The following GABRB2 variants were observed in gnomAD, a reference collection of about 807,000 sequenced individuals.
GABRB2 encodes gamma-aminobutyric acid receptor subunit beta-2.
GABRB2 carries 16 observed loss-of-function variants against 54.7 expected under a neutral mutation model. The ratio of observed to expected loss-of-function variants is 0.29; its 90% CI spans 0.20 to 0.44. GABRB2 has a LOEUF of 0.44. Ranked by LOEUF, GABRB2 falls within the 20% of genes least tolerant of loss-of-function variation. The pLI is 1.00. For missense variants in GABRB2, 355 were observed against 644.0 expected (o/e 0.55, Z 4.86); for synonymous variants, 244 against 233.8 (o/e 1.04, Z -0.40).
intron 9 of GABRB2, among the ~76,000 whole-genome samples, chr5:161,296,538 T>C (rs1213772955): frequency 2.0e-5 from 3 of 152,230 alleles, no homozygotes; most frequent in African/African-American, 7.2e-5. Flanking sequence ...TGCCTAAAGC[T>C]TAAAACAAAT....
intron 9 of GABRB2, among the ~76,000 whole-genome samples, chr5:161,320,584 T>C (rs1397990327): frequency 6.6e-6 from 1 of 151,956 alleles, no homozygotes; most frequent in Non-Finnish European, 1.5e-5. Flanking sequence ...ACTTTTATCT[T>C]AAATTCATCT....
Position 161,346,905 on chromosome 5 carries a change from AG to A in GABRB2, c.542-10137del, listed in dbSNP as rs200938836. Among the ~76,000 whole-genome samples the A allele has an allele frequency of 8.3e-3, 1,271 of 152,244 alleles. 18 individuals carry two copies. Among genetic ancestry groups the A allele is most frequent in the African/African-American group, 0.028 (1,183 of 41,582 alleles). ...TTTGTAACCATGGCTTGGAGCAGAAAGGAGGCAAATATCAGCTATTTAGTAC... is the reference window on the plus strand; with the variant it reads ...TTTGTAACCATGGCTTGGAGCAGAAAGAGGCAAATATCAGCTATTTAGTAC... On this transcript the variant is annotated intron_variant, in intron 5 of 9. Coordinates refer to ENST00000393959, the MANE Select transcript of GABRB2 (RefSeq NM_001371727.1).
At chr5:161,423,990 C>T (rs1756926040) in intron 4 of GABRB2, among the ~76,000 whole-genome samples, 1 of 152,074 alleles carries the variant, frequency 6.6e-6, no homozygotes, top group Non-Finnish European at 1.5e-5. Context: ...AGCTTAAATT[C>T]CCTTAAGCTG....
intron 4 of GABRB2, among the ~76,000 whole-genome samples, chr5:161,411,864 G>A (rs1359928459): frequency 6.6e-6 from 1 of 151,690 alleles, no homozygotes; most frequent in African/African-American, 2.4e-5. Flanking sequence ...GATTAATGAG[G>A]CATCATAGGA....
intron 4 of GABRB2, among the ~76,000 whole-genome samples, chr5:161,440,569 G>A (rs1199155859): frequency 6.6e-6 from 1 of 152,090 alleles, no homozygotes. Context: ...CAACATTGGA[G>A]CACCCAGATA....
intron 9 of GABRB2, among the ~76,000 whole-genome samples, chr5:161,307,194 G>A (rs967416818): frequency 1.3e-5 from 2 of 152,132 alleles, no homozygotes; most frequent in African/African-American, 4.8e-5. Context: ...TCATGAGGAA[G>A]TCTTTCCTGA....
intron 4 of GABRB2, among the ~76,000 whole-genome samples, chr5:161,457,239 C>T (rs1269279126): frequency 1.3e-5 from 2 of 152,076 alleles, no homozygotes; most frequent in African/African-American, 4.8e-5. Context: ...TGTTCAGGAA[C>T]CTGCATATTT....
intron 3 of GABRB2, among the ~76,000 whole-genome samples, chr5:161,502,131 A>G (rs1184932154): frequency 6.6e-6 from 1 of 151,248 alleles, no homozygotes; most frequent in African/African-American, 2.4e-5. Context: ...CTACATTTTC[A>G]TAACGTTAGG....
chr5:161,546,921 G>C, upstream of GABRB2: 1 of 461,740 alleles, frequency 2.2e-6, no homozygotes, highest in Non-Finnish European at 3.4e-6. Context: ...AATTTTTGTT[G>C]TTATCCTTTC....
intron 5 of GABRB2, among the ~76,000 whole-genome samples, chr5:161,374,652 A>G (rs115915369): frequency 1.3e-5 from 2 of 152,194 alleles, no homozygotes. Flanking sequence ...ACATGACTCA[A>G]TACCTAACTT....
intron 3 of GABRB2, among the ~76,000 whole-genome samples, chr5:161,460,753 C>T (rs55994418): frequency 0.02 from 3,094 of 152,042 alleles, 56 homozygotes; most frequent in Non-Finnish European, 0.03. Context: ...AATGCCTGCT[C>T]TCAGGGAATT....
In GABRB2 at chr5:161,385,491, C is replaced by G. The variant is rs150372307; in HGVS notation, c.541+25484G>C. ...ATCCTTAGTACTTCAAGATTTTTTT[C>G]TTTGTGGGTGGAGACAAAAGACTCT... On this transcript the variant is annotated intron_variant, in intron 5 of 9. Transcript: ENST00000393959. Among the ~76,000 whole-genome samples, 50 of 152,196 alleles carry G rather than the reference C, an allele frequency of 3.3e-4. No individual in the cohort carries two copies. In the East Asian group the frequency reaches 9.7e-3, roughly 29 times the overall value.
chr5:161,455,126 A>G (rs1026790591), intron 4 of GABRB2, among the ~76,000 whole-genome samples: 3 of 152,232 alleles, frequency 2.0e-5, no homozygotes, highest in African/African-American at 4.8e-5. Flanking sequence ...GCTGGTGTGC[A>G]TGCTTAAATT....
intron 3 of GABRB2, among the ~76,000 whole-genome samples, chr5:161,518,139 G>A (rs1188963226): frequency 6.6e-6 from 1 of 152,020 alleles, no homozygotes; most frequent in Admixed American, 6.6e-5. Context: ...AGAATGCTGA[G>A]GTACATTTGA....
In GABRB2 at chr5:161,515,253, TAAAAGTA is replaced by T. The variant is rs1335553574; in HGVS notation, c.237+29967_237+29973del. On this transcript the variant is annotated intron_variant, in intron 3 of 9. Coordinates refer to ENST00000393959, the MANE Select transcript of GABRB2 (RefSeq NM_001371727.1). ...AGCTGTATTTAACATTTTGGGTAAA[TAAAAGTA>T]AAAAGGGAATTAGAATTTTTTAAAA... Among the ~76,000 whole-genome samples the T allele has an allele frequency of 2.0e-5, 3 of 152,066 alleles. No individual in the cohort carries two copies. In the East Asian group the frequency reaches 5.8e-4, roughly 29 times the overall value.
At chr5:161,509,833 T>C (rs960330086) in intron 3 of GABRB2, among the ~76,000 whole-genome samples, 4 of 151,988 alleles carry the variant, frequency 2.6e-5, no homozygotes, top group Non-Finnish European at 1.5e-5. Context: ...CTGCTTTGCC[T>C]CTTGAAATAG....
chr5:161,378,900 A>G (rs1221244439), intron 5 of GABRB2, among the ~76,000 whole-genome samples: 1 of 152,190 alleles, frequency 6.6e-6, no homozygotes, highest in Non-Finnish European at 1.5e-5. Flanking sequence ...CATATGTTGC[A>G]AAGGAGCACC....
At chr5:161,532,722 G>C (rs1760502010) in intron 3 of GABRB2, among the ~76,000 whole-genome samples, 1 of 152,118 alleles carries the variant, frequency 6.6e-6, no homozygotes, top group African/African-American at 2.4e-5. Context: ...CTGTGTGTAA[G>C]AACTATCTCA....
intron 3 of GABRB2, among the ~76,000 whole-genome samples, chr5:161,527,072 C>CATTAT (rs1376329978): frequency 1.3e-5 from 2 of 151,210 alleles, no homozygotes; most frequent in African/African-American, 2.4e-5. Context: ...TAAGTAGAAA[C>CATTAT]ATAATAAGAT....
Sources: gnomAD v4.1 joint callset for allele counts (sites outside exome capture counted in the v4.1 genomes callset) on GRCh38, gnomAD v4.1.1 for gene constraint, MANE v1.5 for transcripts, NCBI Gene and HGNC (gene_info 2026-07-23, HGNC 2026-07-21) for gene names.